HIVEP3: variants seen among roughly 807,000 people sequenced by gnomAD.
The protein encoded by HIVEP3 is transcription factor HIVEP3.
Under a neutral mutation model 152.8 loss-of-function variants are expected in HIVEP3, and 49 were observed. The observed-to-expected ratio is 0.32, with a 90% CI of 0.26 to 0.41. The LOEUF is 0.41. Ranked by LOEUF, HIVEP3 falls within the 10% of genes least tolerant of loss-of-function variation. HIVEP3 has a pLI of 1.00. For synonymous variants in HIVEP3, 1,269 were observed against 1,289.0 expected (o/e 0.98, Z 0.33); for missense variants, 2,790 against 3,103.3 (o/e 0.90, Z 2.40).
intron 3 of HIVEP3, among the ~76,000 whole-genome samples, chr1:41,608,304 G>T (rs780595431): frequency 1.3e-5 from 2 of 152,174 alleles, no homozygotes; most frequent in Non-Finnish European, 2.9e-5. Context: ...TTTCTCCATG[G>T]TGGGCATAAT....
At chr1:41,798,089 T>G (rs1245318434) in intron 1 of HIVEP3, among the ~76,000 whole-genome samples, 1 of 151,758 alleles carries the variant, frequency 6.6e-6, no homozygotes, top group Non-Finnish European at 1.5e-5. Flanking sequence ...AATTGAACAA[T>G]GAGAACACTT....
chr1:41,580,502 A>G lies in HIVEP3; in HGVS notation c.4296T>C (p.Leu1432=), dbSNP rs1644385782. The G allele has an allele frequency of 1.9e-6, 3 of 1,614,050 alleles. No homozygotes were observed. Among genetic ancestry groups the G allele is most frequent in the African/African-American group, 2.7e-5 (2 of 74,910 alleles). ...TAAGTTCAAGGCTGCCAGCTGGTGAAAGGACACGTTTGCTTCCCCCTGCTG... is the reference window on the plus strand; with the variant it reads ...TAAGTTCAAGGCTGCCAGCTGGTGAGAGGACACGTTTGCTTCCCCCTGCTG... ...SSTAGGSKRV[L]SPAGSLELTM... The change falls in exon 4 of 9, where the codon CTT becomes CTC. Residue 1432 remains leucine (L), a synonymous_variant. Transcript: ENST00000372583.
At chr1:41,783,972 C>T (rs1439322530) in intron 1 of HIVEP3, among the ~76,000 whole-genome samples, 6 of 152,126 alleles carry the variant, frequency 3.9e-5, no homozygotes, top group Admixed American at 2.0e-4. Flanking sequence ...CTTCTTGGGT[C>T]GCCAGGAGTA....
At chr1:41,760,837 C>T (rs1363841959) in intron 1 of HIVEP3, among the ~76,000 whole-genome samples, 1 of 152,134 alleles carries the variant, frequency 6.6e-6, no homozygotes, top group Non-Finnish European at 1.5e-5. Context: ...CACCTGGTCT[C>T]CCCAGCCTTC....
intron 1 of HIVEP3, among the ~76,000 whole-genome samples, chr1:42,011,177 G>A (rs1198921970): frequency 1.3e-5 from 2 of 152,118 alleles, no homozygotes; most frequent in Non-Finnish European, 2.9e-5. Flanking sequence ...GCAAACGAAT[G>A]TACTTAGTCT....
chr1:41,721,731 T>C (rs1485967918), intron 1 of HIVEP3, among the ~76,000 whole-genome samples: 1 of 152,142 alleles, frequency 6.6e-6, no homozygotes, highest in Non-Finnish European at 1.5e-5. Context: ...AACTGAGGCA[T>C]AGAGGGGTTG....
intron 1 of HIVEP3, among the ~76,000 whole-genome samples, chr1:41,970,168 C>T (rs1026521384): frequency 7.2e-5 from 11 of 152,108 alleles, no homozygotes; most frequent in Admixed American, 6.5e-5. Context: ...TAACATTTGA[C>T]CCAGCAATCC....
intron 4 of HIVEP3, 63 bp downstream of exon 4, chr1:41,579,674 T>C (rs76588737): frequency 6.6e-7 from 1 of 1,508,806 alleles, no homozygotes; most frequent in East Asian, 2.3e-5. Flanking sequence ...ATACTGTGGC[T>C]TTAAAAGCTC....
chr1:41,823,255 T>C (rs1642661208), intron 1 of HIVEP3, among the ~76,000 whole-genome samples: 1 of 152,220 alleles, frequency 6.6e-6, no homozygotes, highest in Admixed American at 6.5e-5. Context: ...AAATTTCTGT[T>C]GTTTAAACCA....
intron 5 of HIVEP3, among the ~76,000 whole-genome samples, chr1:41,560,767 G>C (rs534100637): frequency 1.3e-5 from 2 of 152,312 alleles, no homozygotes; most frequent in South Asian, 4.1e-4. Flanking sequence ...TCTCATCCAG[G>C]CCTCTGAGGC....
intron 1 of HIVEP3, among the ~76,000 whole-genome samples, chr1:41,917,849 A>G (rs1024267473): frequency 1.3e-5 from 2 of 152,056 alleles, no homozygotes; most frequent in African/African-American, 2.4e-5. Context: ...ATTAAGGGGG[A>G]AAAAGAAAGC....
chr1:41,776,048 A>G (rs952327824), intron 1 of HIVEP3, among the ~76,000 whole-genome samples: 3 of 152,220 alleles, frequency 2.0e-5, no homozygotes, highest in Admixed American at 2.0e-4. Flanking sequence ...AAATCTATAA[A>G]GATTTGGGTT....
At chr1:42,034,471 T>C (rs1645629872) in intron 1 of HIVEP3, among the ~76,000 whole-genome samples, 1 of 152,196 alleles carries the variant, frequency 6.6e-6, no homozygotes, top group Non-Finnish European at 1.5e-5. Flanking sequence ...TCAGGTATTA[T>C]TAAAGATTCA....
intron 1 of HIVEP3, among the ~76,000 whole-genome samples, chr1:41,824,237 T>C (rs1642691975): frequency 6.6e-6 from 1 of 152,122 alleles, no homozygotes; most frequent in African/African-American, 2.4e-5. Context: ...GCTACACTCT[T>C]TTCATCCCCA....
At chr1:41,568,404 C>A (rs1449030843) in intron 5 of HIVEP3, among the ~76,000 whole-genome samples, 1 of 152,240 alleles carries the variant, frequency 6.6e-6, no homozygotes, top group Non-Finnish European at 1.5e-5. Flanking sequence ...TTGGCCAAAG[C>A]CCAGGGAGCA....
chr1:41,671,511 C>T (rs1333620410), intron 2 of HIVEP3, among the ~76,000 whole-genome samples: 1 of 152,224 alleles, frequency 6.6e-6, no homozygotes, highest in African/African-American at 2.4e-5. Context: ...GGAGCTGTGC[C>T]ACCCTGGCCA....
chr1:41,685,555 T>C (rs943722608), intron 2 of HIVEP3, among the ~76,000 whole-genome samples: 5 of 152,212 alleles, frequency 3.3e-5, no homozygotes, highest in Non-Finnish European at 7.3e-5. Context: ...TGGGCCATGC[T>C]GCTTTGCCCC....
At chr1:41,913,323 A>G (rs1644824709) in intron 1 of HIVEP3, among the ~76,000 whole-genome samples, 1 of 152,246 alleles carries the variant, frequency 6.6e-6, no homozygotes, top group Non-Finnish European at 1.5e-5. Context: ...TCTACTGTGT[A>G]GAATTTTGAT....
intron 1 of HIVEP3, among the ~76,000 whole-genome samples, chr1:41,757,997 C>G (rs1271720970): frequency 6.6e-6 from 1 of 152,154 alleles, no homozygotes; most frequent in Admixed American, 6.5e-5. Flanking sequence ...CAGGTGTGAG[C>G]CACCGCTCCC....
Sources: allele counts gnomAD v4.1 joint callset (sites outside exome capture counted in the v4.1 genomes callset), GRCh38; gene constraint gnomAD v4.1.1; transcripts MANE v1.5; gene names NCBI Gene and HGNC (gene_info 2026-07-23, HGNC 2026-07-21).